Variants in CORO2A observed in about 807,000 individuals in gnomAD.
CORO2A encodes coronin 2A.
In CORO2A, 47 loss-of-function variants were observed where a neutral mutation model predicts 62.4. The observed-to-expected ratio is 0.75, with a 90% confidence interval of 0.60 to 0.96. The LOEUF (loss-of-function observed/expected upper bound fraction) is 0.96, where lower values mean the gene tolerates loss of function less well. Ranked by LOEUF, CORO2A falls within the 40% of genes least tolerant of loss-of-function variation. The probability of loss-of-function intolerance (pLI) is 0.00; values close to 1 mark genes in which losing one functional copy is unlikely to be tolerated. For missense variants in CORO2A, 610 were observed against 684.1 expected, an observed-to-expected ratio of 0.89 and a Z score of 1.21; for synonymous variants, 273 against 268.9, an observed-to-expected ratio of 1.02 and a Z score of -0.15.
intron 2 of CORO2A, among the ~76,000 whole-genome samples, chr9:98,142,695 T>C (rs1827587213): frequency 6.6e-6 from 1 of 152,198 alleles, no homozygotes; most frequent in South Asian, 2.1e-4. Context: ...GGAAGGCGCC[T>C]TAGGGTTGGG....
chr9:98,150,299 G>A (rs1368570733), intron 2 of CORO2A, among the ~76,000 whole-genome samples: 2 of 151,994 alleles, frequency 1.3e-5, no homozygotes, highest in Non-Finnish European at 2.9e-5. Context: ...TCCTGCCTGG[G>A]CTTACGACGC....
chr9:98,169,561 C>T (rs1437430029), intron 1 of CORO2A, among the ~76,000 whole-genome samples: 1 of 152,070 alleles, frequency 6.6e-6, no homozygotes, highest in African/African-American at 2.4e-5. Flanking sequence ...CCCCGGGTCC[C>T]CTCTGTCCTC....
At chr9:98,183,633 C>A (rs938010058) in intron 1 of CORO2A, among the ~76,000 whole-genome samples, 3 of 152,136 alleles carry the variant, frequency 2.0e-5, no homozygotes, top group Non-Finnish European at 4.4e-5. Flanking sequence ...GGAAAAATAA[C>A]AATACAACAA....
At chr9:98,158,385 A>G (rs1028932565) in intron 1 of CORO2A, among the ~76,000 whole-genome samples, 1 of 152,228 alleles carries the variant, frequency 6.6e-6, no homozygotes, top group African/African-American at 2.4e-5. Flanking sequence ...TGCATGGCAG[A>G]TACTTGATCA....
At chr9:98,163,930 A>G (rs915098254) in intron 1 of CORO2A, among the ~76,000 whole-genome samples, 2 of 152,130 alleles carry the variant, frequency 1.3e-5, no homozygotes, top group Non-Finnish European at 1.5e-5. Context: ...CATTAATTGT[A>G]CTGTTTGTGG....
intron 1 of CORO2A, among the ~76,000 whole-genome samples, chr9:98,174,612 G>A (rs780428733): frequency 6.6e-6 from 1 of 152,116 alleles, no homozygotes; most frequent in Admixed American, 6.5e-5. Context: ...TCATGGAGGC[G>A]GTTTCCCCCA....
At chr9:98,180,487 A>C (rs1246058910) in intron 1 of CORO2A, among the ~76,000 whole-genome samples, 2 of 152,140 alleles carry the variant, frequency 1.3e-5, no homozygotes, top group Non-Finnish European at 2.9e-5. Context: ...ATACAAGGAG[A>C]GTCACTTCTG....
intron 2 of CORO2A, among the ~76,000 whole-genome samples, chr9:98,150,758 T>G (rs547355307): frequency 2.0e-5 from 3 of 152,364 alleles, no homozygotes; most frequent in South Asian, 4.1e-4. Context: ...TTTACAAGCA[T>G]GCAAAGCTTG....
chr9:98,165,161 T>A (rs186808932), intron 1 of CORO2A, among the ~76,000 whole-genome samples: 1 of 152,186 alleles, frequency 6.6e-6, no homozygotes, highest in Non-Finnish European at 1.5e-5. Context: ...GGTTTCACTC[T>A]GTTGCCAGGC....
chr9:98,166,835 A>G lies in CORO2A; in HGVS notation c.1-9175T>C, dbSNP rs146742010. ...TATTCAAACCATGGAATAATATTCAACCTTCAAAAGGAAGAAAACTCTACT... is the reference window on the plus strand; with the variant it reads ...TATTCAAACCATGGAATAATATTCAGCCTTCAAAAGGAAGAAAACTCTACT... On this transcript the variant is annotated intron_variant, in intron 1 of 11. Transcript: ENST00000375077. Among the ~76,000 whole-genome samples the G allele has an allele frequency of 2.8e-4, 42 of 152,284 alleles. 1 individual carries two copies. In the East Asian group the frequency reaches 8.1e-3, roughly 29 times the overall value.
chr9:98,131,355 TCTAA>T (rs1210212666), intron 6 of CORO2A, among the ~76,000 whole-genome samples: 17 of 147,234 alleles, frequency 1.2e-4, no homozygotes, highest in East Asian at 4.1e-4. Context: ...TGAGACAAGG[TCTAA>T]CTGTCACCCA....
intron 2 of CORO2A, among the ~76,000 whole-genome samples, chr9:98,156,929 G>A (rs1827812681): frequency 6.6e-6 from 1 of 152,156 alleles, no homozygotes; most frequent in South Asian, 2.1e-4. Context: ...ATCCTGAATG[G>A]AACTACTATT....
At chr9:98,138,367 C>T (rs1476417124) in intron 2 of CORO2A, among the ~76,000 whole-genome samples, 9 of 150,728 alleles carry the variant, frequency 6.0e-5, no homozygotes, top group South Asian at 2.1e-4. Context: ...GCTCTGATTG[C>T]GCCATTGCAC....
At position 98,131,097 on chromosome 9, in the gene CORO2A, T is replaced by G. The variant is rs367722759; in HGVS notation, c.766-38A>C. ...GGGAGGCAGGGAAGGCCTGGGTCAC[T>G]CCTGGGGGCCCTCAGTGGTGCTCCC... is the stretch of plus-strand genomic sequence containing the variant. On this transcript the variant is annotated intron_variant, in intron 6 of 11. Coordinates refer to ENST00000375077, the MANE Select transcript of CORO2A (RefSeq NM_052820.4). The G allele has an allele frequency of 5.4e-5, 79 of 1,450,762 alleles. 5 individuals carry two copies. In the African/African-American group the frequency reaches 6.8e-4, roughly 13 times the overall value. 89.9% of individuals were successfully genotyped at this position (1,450,762 alleles called of 1,614,324 possible).
At chr9:98,163,731 T>C (rs1827920046) in intron 1 of CORO2A, among the ~76,000 whole-genome samples, 1 of 103,376 alleles carries the variant, frequency 9.7e-6, no homozygotes, top group African/African-American at 3.8e-5. Context: ...TGTGTGTGTA[T>C]GTGTGTGTGT....
At chr9:98,179,656 G>A (rs1423887493) in intron 1 of CORO2A, among the ~76,000 whole-genome samples, 1 of 152,156 alleles carries the variant, frequency 6.6e-6, no homozygotes, top group African/African-American at 2.4e-5. Flanking sequence ...GAGGGCAGGA[G>A]GGAGGTGAGC....
chr9:98,149,110 A>C lies in CORO2A; in HGVS notation c.201+8350T>G, dbSNP rs1354782356. Among the ~76,000 whole-genome samples, 3 of 152,330 alleles carry C rather than the reference A, an allele frequency of 2.0e-5. No individual in the cohort carries two copies. In the East Asian group the frequency reaches 5.8e-4, roughly 29 times the overall value. ...GCGTACTGTAGTCTTATAAGATGTT[A>C]CCACTGGAAGAAACAGGGTAAAGGA... On this transcript the variant is annotated intron_variant, in intron 2 of 11. Transcript: ENST00000375077.
At chr9:98,174,818 A>G (rs938511534) in intron 1 of CORO2A, among the ~76,000 whole-genome samples, 1 of 152,156 alleles carries the variant, frequency 6.6e-6, no homozygotes, top group Non-Finnish European at 1.5e-5. Flanking sequence ...TCTTTCCTTT[A>G]TAAATTACCC....
chr9:98,174,527 G>C (rs948610085), intron 1 of CORO2A, among the ~76,000 whole-genome samples: 1 of 152,220 alleles, frequency 6.6e-6, no homozygotes, highest in East Asian at 1.9e-4. Context: ...GTTTGGCTCT[G>C]TGTCCCCACC....
Sources: allele counts gnomAD v4.1 joint callset (sites outside exome capture counted in the v4.1 genomes callset), GRCh38; gene constraint gnomAD v4.1.1; transcripts MANE v1.5; gene names NCBI Gene and HGNC (gene_info 2026-07-23, HGNC 2026-07-21).